Variants in ZFAND2A observed in about 807,000 individuals in gnomAD.
The protein encoded by ZFAND2A is zinc finger AN1-type containing 2A.
Under a neutral mutation model 11.6 loss-of-function variants are expected in ZFAND2A, and 20 were observed. The ratio of observed to expected loss-of-function variants is 1.72; its 90% CI spans 1.21 to 2.50. The LOEUF (loss-of-function observed/expected upper bound fraction) is 2.50, where lower values mean the gene tolerates loss of function less well. Ranked by LOEUF, ZFAND2A falls within the 30% of genes most tolerant of loss-of-function variation. The pLI, the probability that ZFAND2A is intolerant of heterozygous loss-of-function variation, is 0.00. For missense variants in ZFAND2A, 234 were observed against 182.9 expected (o/e 1.28, Z -1.61); for synonymous variants, 93 against 60.6 (o/e 1.54, Z -2.48).
chr7:1,153,341 G>A, intron 4 of ZFAND2A, 117 bp from the exon 5 acceptor site: 1 of 1,097,032 alleles, frequency 9.1e-7, no homozygotes, highest in Non-Finnish European at 1.3e-6. Context: ...TCTGCCTCCT[G>A]GACTCAAGTG....
chr7:1,151,066 T>C (rs1793388763), downstream of ZFAND2A, among the ~76,000 whole-genome samples: 1 of 152,052 alleles, frequency 6.6e-6, no homozygotes, highest in African/African-American at 2.4e-5. Flanking sequence ...AATTTTTGTT[T>C]TAGTAGACAT....
chr7:1,155,688 G>A (rs534730106), intron 3 of ZFAND2A, 104 bp from the exon 4 acceptor site: 37 of 1,446,286 alleles, frequency 2.6e-5, no homozygotes, highest in Admixed American at 2.2e-5. Flanking sequence ...ACAAAGAGAG[G>A]ACAAAAACCG....
At chr7:1,152,885 TG>T, downstream of ZFAND2A, 1 of 914,210 alleles carries the variant, frequency 1.1e-6, no homozygotes, top group Non-Finnish European at 1.7e-6. Flanking sequence ...ACGGCAGCAG[TG>T]GGCAATGAGA....
downstream of ZFAND2A, among the ~76,000 whole-genome samples, chr7:1,151,033 G>A (rs918223643): frequency 9.9e-5 from 15 of 151,972 alleles, no homozygotes; most frequent in South Asian, 4.1e-4. Flanking sequence ...GATTACAAGC[G>A]TGTACCACCA....
At chr7:1,150,274 G>A (rs1054011118), downstream of ZFAND2A, among the ~76,000 whole-genome samples, 18 of 151,800 alleles carry the variant, frequency 1.2e-4, no homozygotes, top group Non-Finnish European at 2.2e-4. Flanking sequence ...TTTGCAGAAC[G>A]CCAACAGAAT....
chr7:1,157,604 G>A (rs1202812211), intron 3 of ZFAND2A, 52 bp downstream of exon 3: 1 of 1,517,990 alleles, frequency 6.6e-7, no homozygotes, highest in African/African-American at 1.4e-5. Flanking sequence ...CAGCAAGACA[G>A]TGCAGCTTCA....
At position 1,155,651 on chromosome 7, in the gene ZFAND2A, G is replaced by A. The variant is rs183500780; in HGVS notation, c.151-67C>T. 1.3e-4 allele frequency: 207 copies of A among 1,577,280 alleles called. 1 individual carries two copies. The highest frequency in any genetic ancestry group is 8.5e-4 in the Middle Eastern group (5 of 5,882). ...ACTTAAACTCACAGAAGTTTTAAAC[G>A]AGTACTCCTGTGCGGCACACTTAAA... is the stretch of plus-strand genomic sequence containing the variant. On this transcript the variant is annotated intron_variant, in intron 3 of 4. Coordinates refer to ENST00000316495, the MANE Select transcript of ZFAND2A (RefSeq NM_182491.4).
chr7:1,148,862 G>A (rs1370697737), downstream of ZFAND2A, among the ~76,000 whole-genome samples: 3 of 132,230 alleles, frequency 2.3e-5, no homozygotes, highest in African/African-American at 8.9e-5. Flanking sequence ...AGACAGTCTT[G>A]CTCTCTGTGA....
At chr7:1,151,573 G>A (rs1793398280), downstream of ZFAND2A, among the ~76,000 whole-genome samples, 1 of 151,926 alleles carries the variant, frequency 6.6e-6, no homozygotes, top group Non-Finnish European at 1.5e-5. Flanking sequence ...AAGTTTCAAG[G>A]TTTCAGGCTA....
chr7:1,153,299 G>C (rs1185084835), intron 4 of ZFAND2A, 75 bp from the exon 5 acceptor site: 3 of 1,534,914 alleles, frequency 2.0e-6, no homozygotes, highest in Non-Finnish European at 2.6e-6. Context: ...CCAGGCTGGA[G>C]TGCAGTGGCT....
At chr7:1,152,617 C>T (rs900735518), downstream of ZFAND2A, among the ~76,000 whole-genome samples, 4 of 152,058 alleles carry the variant, frequency 2.6e-5, no homozygotes, top group South Asian at 2.1e-4. Context: ...TCAGAGGTCA[C>T]GACTGTGGGA....
In ZFAND2A at chr7:1,153,107, A is replaced by T. The variant is rs143216973; in HGVS notation, c.400T>A (p.Cys134Ser). Reference protein sequence around the residue: ...IQHRHPLDHSCRHGSRPTIKA... With the variant: ...IQHRHPLDHSSRHGSRPTIKA... ...ATGGTGGGGCGACTCCCGTGTCTGCAGCTGTGGTCCAAAGGGTGTCTGTGC... is the reference window on the plus strand; with the variant it reads ...ATGGTGGGGCGACTCCCGTGTCTGCTGCTGTGGTCCAAAGGGTGTCTGTGC... The change falls in exon 5 of 5, where the codon TGC becomes AGC. Residue 134 changes from cysteine (C) to serine (S), a missense_variant. By Grantham distance (112) the Cys-to-Ser change is moderately radical. Coordinates refer to ENST00000316495, the MANE Select transcript of ZFAND2A (RefSeq NM_182491.4). The T allele has an allele frequency of 7.4e-6, 12 of 1,614,206 alleles. No homozygotes were observed. The highest frequency in any genetic ancestry group is 1.0e-5 in the Non-Finnish European group (12 of 1,180,036).
chr7:1,150,165 AG>A (rs1389892071), downstream of ZFAND2A, among the ~76,000 whole-genome samples: 1 of 151,558 alleles, frequency 6.6e-6, no homozygotes, highest in Non-Finnish European at 1.5e-5. Context: ...TAAAAAAAAA[AG>A]ATATAGTGAA....
At chr7:1,152,351 A>G (rs1455652322), downstream of ZFAND2A, 2 of 1,558,698 alleles carry the variant, frequency 1.3e-6, no homozygotes, top group South Asian at 2.4e-5. Flanking sequence ...GCACCTACAG[A>G]GAGGGTGGAT....
At chr7:1,157,808 G>A (rs1400518064) in intron 2 of ZFAND2A, 58 bp from the exon 3 acceptor site, 4 of 1,321,238 alleles carry the variant, frequency 3.0e-6, no homozygotes, top group South Asian at 1.4e-5. Flanking sequence ...CTTCCAGATA[G>A]TACTATCAAA....
At chr7:1,151,360 G>C (rs190965168), downstream of ZFAND2A, among the ~76,000 whole-genome samples, 20 of 150,390 alleles carry the variant, frequency 1.3e-4, no homozygotes, top group African/African-American at 5.0e-4. Context: ...CCCTCGGCCA[G>C]GCAGGTGGAT....
downstream of ZFAND2A, among the ~76,000 whole-genome samples, chr7:1,152,515 A>G: frequency 6.6e-6 from 1 of 152,324 alleles, no homozygotes; most frequent in East Asian, 1.9e-4. Context: ...GACAAACATT[A>G]GCATTACGAG....
downstream of ZFAND2A, among the ~76,000 whole-genome samples, chr7:1,151,911 G>A (rs943455395): frequency 6.6e-6 from 1 of 152,002 alleles, no homozygotes; most frequent in Non-Finnish European, 1.5e-5. Flanking sequence ...AGTGCAAACG[G>A]GAAGGACCTC....
At chr7:1,159,323 ACCCTGGCGGGCC>A (rs2128259423) in intron 1 of ZFAND2A, among the ~76,000 whole-genome samples, 1 of 152,090 alleles carries the variant, frequency 6.6e-6, no homozygotes, top group African/African-American at 2.4e-5. Context: ...CCAACACCCT[ACCCTGGCGGGCC>A]GGGCCCGCAG....
Sources: gnomAD v4.1 joint callset for allele counts (sites outside exome capture counted in the v4.1 genomes callset) on GRCh38, gnomAD v4.1.1 for gene constraint, MANE v1.5 for transcripts, NCBI Gene and HGNC (gene_info 2026-07-23, HGNC 2026-07-21) for gene names.